The following XKR3 variants were observed in gnomAD, a reference collection of about 807,000 sequenced individuals.
XKR3 encodes XK related 3.
Under a neutral mutation model 40.3 loss-of-function variants are expected in XKR3, and 27 were observed. The ratio of observed to expected loss-of-function variants is 0.67; its 90% CI spans 0.49 to 0.92. The LOEUF (loss-of-function observed/expected upper bound fraction) is 0.92. Among genes scored for constraint, XKR3 ranks in the 40% least tolerant of loss-of-function variants. XKR3 has a pLI of 0.00. For missense variants in XKR3, 472 were observed against 537.6 expected (o/e 0.88, Z 1.21); for synonymous variants, 193 against 195.4 (o/e 0.99, Z 0.10).
chr22:16,819,084 A>G (rs1292724693), intron 1 of XKR3, among the ~76,000 whole-genome samples: 1 of 152,196 alleles, frequency 6.6e-6, no homozygotes, highest in Non-Finnish European at 1.5e-5. Flanking sequence ...CATTAAAAAA[A>G]AACAGGTATG....
intron 2 of XKR3, 138 bp from the exon 3 acceptor site, chr22:16,800,162 G>T: frequency 2.0e-6 from 2 of 988,628 alleles, no homozygotes; most frequent in Non-Finnish European, 2.9e-6. Context: ...AATCACACTG[G>T]ATAAAAAATA....
intron 3 of XKR3, among the ~76,000 whole-genome samples, chr22:16,798,000 C>T (rs1315148930): frequency 6.6e-6 from 1 of 151,252 alleles, no homozygotes; most frequent in African/African-American, 2.4e-5. Flanking sequence ...ATAGCAAAAC[C>T]TTGTCTCTAC....
intron 1 of XKR3, among the ~76,000 whole-genome samples, chr22:16,815,304 G>A (rs2060228584): frequency 6.6e-6 from 1 of 151,976 alleles, no homozygotes; most frequent in Admixed American, 6.6e-5. Context: ...AATCCTACTT[G>A]GTTATGAAAT....
chr22:16,790,339 G>A (rs1475720474), intron 3 of XKR3, among the ~76,000 whole-genome samples: 5 of 42,392 alleles, frequency 1.2e-4, no homozygotes, highest in East Asian at 6.5e-4. Flanking sequence ...AAGCTTCCAC[G>A]CAGAAAAAAA....
intron 3 of XKR3, among the ~76,000 whole-genome samples, chr22:16,787,278 G>T (rs1181244285): frequency 2.0e-5 from 3 of 152,078 alleles, no homozygotes; most frequent in Non-Finnish European, 4.4e-5. Context: ...TCAAGGAAAA[G>T]CTGGGTGCAA....
intron 2 of XKR3, among the ~76,000 whole-genome samples, chr22:16,806,260 C>CAA (rs59631397): frequency 2.3e-5 from 3 of 131,998 alleles, no homozygotes; most frequent in Non-Finnish European, 3.2e-5. Context: ...TAGTTCATCT[C>CAA]AAAAAAAAAA....
At chr22:16,821,173 A>C (rs2060254178) in intron 1 of XKR3, among the ~76,000 whole-genome samples, 1 of 152,114 alleles carries the variant, frequency 6.6e-6, no homozygotes, top group African/African-American at 2.4e-5. Context: ...TTCAACCCAC[A>C]ATTTAAAAAT....
At chr22:16,792,265 T>A (rs2060123584) in intron 3 of XKR3, among the ~76,000 whole-genome samples, 1 of 152,148 alleles carries the variant, frequency 6.6e-6, no homozygotes, top group African/African-American at 2.4e-5. Context: ...ACAATTTTCA[T>A]ATGTTTATAA....
Position 16,786,048 on chromosome 22 carries a change from A to G in XKR3, c.590-1639T>C, listed in dbSNP as rs1253193437. On this transcript the variant is annotated intron_variant, in intron 3 of 3. Transcript: ENST00000684488. ...AATACTCAAAGTGAAACTCTAAAACATTAGCATTGTAACTGCATTTATGAG... is the reference window on the plus strand; with the variant it reads ...AATACTCAAAGTGAAACTCTAAAACGTTAGCATTGTAACTGCATTTATGAG... Among the ~76,000 whole-genome samples, 12 of 152,270 alleles carry G rather than the reference A, an allele frequency of 7.9e-5. No individual in the cohort carries two copies. In the South Asian group the frequency reaches 2.3e-3, roughly 29 times the overall value.
chr22:16,803,225 G>T (rs2060176538), intron 2 of XKR3, among the ~76,000 whole-genome samples: 1 of 152,050 alleles, frequency 6.6e-6, no homozygotes. Context: ...TATTAAAAAT[G>T]CTATAGCCTG....
chr22:16,794,019 A>G (rs1380447336), intron 3 of XKR3, among the ~76,000 whole-genome samples: 5 of 152,222 alleles, frequency 3.3e-5, no homozygotes, highest in Admixed American at 1.3e-4. Context: ...TTCAAAATGA[A>G]TAAAACATCC....
At chr22:16,796,924 T>G (rs1470183939) in intron 3 of XKR3, among the ~76,000 whole-genome samples, 1 of 152,124 alleles carries the variant, frequency 6.6e-6, no homozygotes, top group Non-Finnish European at 1.5e-5. Flanking sequence ...CAAACTACAC[T>G]TAAAAGCTGC....
intron 3 of XKR3, among the ~76,000 whole-genome samples, chr22:16,787,058 G>C (rs1316839687): frequency 6.6e-6 from 1 of 151,918 alleles, no homozygotes; most frequent in African/African-American, 2.4e-5. Flanking sequence ...TTGAAATAAT[G>C]GGAGGAAAAA....
chr22:16,795,495 AC>A (rs2060136615), intron 3 of XKR3, among the ~76,000 whole-genome samples: 1 of 152,174 alleles, frequency 6.6e-6, no homozygotes, highest in South Asian at 2.1e-4. Context: ...ACCTAAAAGA[AC>A]TGGGAGGGAG....
intron 3 of XKR3, among the ~76,000 whole-genome samples, chr22:16,799,413 C>CAAAAAAAAAAAAAAAAGAAAAA (rs2060157201): frequency 3.1e-5 from 1 of 32,550 alleles, no homozygotes; most frequent in Non-Finnish European, 5.2e-5. Flanking sequence ...GACTATGTCT[C>CAAAAAAAAAAAAAAAAGAAAAA]AAAAAAAAAA....
intron 1 of XKR3, among the ~76,000 whole-genome samples, chr22:16,819,476 A>T (rs1488418371): frequency 6.6e-6 from 1 of 152,134 alleles, no homozygotes; most frequent in East Asian, 1.9e-4. Flanking sequence ...ATGATGCAAT[A>T]TCTCACAAAG....
At chr22:16,785,459 T>A (rs1188535411) in intron 3 of XKR3, among the ~76,000 whole-genome samples, 3 of 152,154 alleles carry the variant, frequency 2.0e-5, no homozygotes, top group Non-Finnish European at 4.4e-5. Context: ...AATAAGCACA[T>A]GGAAGAAAAC....
intron 1 of XKR3, among the ~76,000 whole-genome samples, chr22:16,823,611 T>C (rs2060264543): frequency 6.6e-6 from 1 of 152,210 alleles, no homozygotes; most frequent in South Asian, 2.1e-4. Flanking sequence ...CTTGTCACTT[T>C]AAAATATATC....
At chr22:16,791,455 A>G (rs2060115379) in intron 3 of XKR3, among the ~76,000 whole-genome samples, 1 of 152,054 alleles carries the variant, frequency 6.6e-6, no homozygotes, top group Non-Finnish European at 1.5e-5. Flanking sequence ...AAATTTAAAG[A>G]GATCTATTGT....
Sources: gnomAD v4.1 joint callset for allele counts (sites outside exome capture counted in the v4.1 genomes callset) on GRCh38, gnomAD v4.1.1 for gene constraint, MANE v1.5 for transcripts, NCBI Gene and HGNC (gene_info 2026-07-23, HGNC 2026-07-21) for gene names.